Variants in SPAG16 observed in about 807,000 individuals in gnomAD.
The protein encoded by SPAG16 is sperm-associated antigen 16 protein.
A neutral mutation model predicts 80.4 loss-of-function variants in SPAG16; 86 were observed. The ratio of observed to expected loss-of-function variants is 1.07; its 90% CI spans 0.90 to 1.28. SPAG16 has a LOEUF of 1.28. Ranked by LOEUF, SPAG16 falls within the 50% of genes most tolerant of loss-of-function variation. SPAG16 has a pLI of 0.00. For missense variants in SPAG16, 870 were observed against 765.3 expected (o/e 1.14, Z -1.61); for synonymous variants, 294 against 265.9 (o/e 1.11, Z -1.03).
intron 15 of SPAG16, among the ~76,000 whole-genome samples, chr2:214,279,814 A>C (rs1692774063): frequency 6.6e-6 from 1 of 152,238 alleles, no homozygotes; most frequent in Non-Finnish European, 1.5e-5. Context: ...CAACTCACAC[A>C]ATGTATTTCT....
At chr2:213,523,386 G>C (rs1347132307) in intron 10 of SPAG16, among the ~76,000 whole-genome samples, 2 of 152,132 alleles carry the variant, frequency 1.3e-5, no homozygotes, top group Non-Finnish European at 2.9e-5. Flanking sequence ...CCCGGACTCA[G>C]GTATGTCTTC....
chr2:214,289,961 C>T (rs1693670281), intron 15 of SPAG16, among the ~76,000 whole-genome samples: 3 of 152,064 alleles, frequency 2.0e-5, no homozygotes, highest in Admixed American at 6.6e-5. Context: ...GTTCTCACCT[C>T]TTCAATTTTT....
intron 15 of SPAG16, among the ~76,000 whole-genome samples, chr2:214,193,020 C>T (rs182491474): frequency 1.3e-5 from 2 of 152,080 alleles, no homozygotes; most frequent in East Asian, 1.9e-4. Flanking sequence ...TCAGCCTGGT[C>T]CTACAAGGAC....
At chr2:214,069,808 A>G (rs2050702563) in intron 13 of SPAG16, among the ~76,000 whole-genome samples, 1 of 152,106 alleles carries the variant, frequency 6.6e-6, no homozygotes, top group Non-Finnish European at 1.5e-5. Flanking sequence ...ATTTTATTAA[A>G]AATCTCAGAA....
At chr2:214,301,033 TAATA>T (rs1694510208) in intron 15 of SPAG16, among the ~76,000 whole-genome samples, 2 of 79,934 alleles carry the variant, frequency 2.5e-5, no homozygotes, top group African/African-American at 1.2e-4. Context: ...TAAAGTATAA[TAATA>T]ATAATAATAA....
intron 10 of SPAG16, among the ~76,000 whole-genome samples, chr2:213,510,376 A>C (rs1009377355): frequency 4.6e-5 from 7 of 152,050 alleles, no homozygotes; most frequent in Non-Finnish European, 8.8e-5. Flanking sequence ...CACATTCTTT[A>C]ACTATTTAAC....
chr2:213,298,167 G>T (rs1208086259), intron 3 of SPAG16, among the ~76,000 whole-genome samples: 1 of 152,044 alleles, frequency 6.6e-6, no homozygotes, highest in African/African-American at 2.4e-5. Context: ...CTCAAAATTG[G>T]AATAAAAGCT....
chr2:214,062,128 C>G (rs1399588700), intron 13 of SPAG16, among the ~76,000 whole-genome samples: 1 of 151,772 alleles, frequency 6.6e-6, no homozygotes, highest in African/African-American at 2.4e-5. Flanking sequence ...CATCAAAAAC[C>G]AACCTCCTGG....
At chr2:213,380,063 A>T (rs2067088130) in intron 9 of SPAG16, among the ~76,000 whole-genome samples, 1 of 152,066 alleles carries the variant, frequency 6.6e-6, no homozygotes, top group Non-Finnish European at 1.5e-5. Context: ...TCTTTCCTGA[A>T]TTTCCTTGTC....
intron 15 of SPAG16, among the ~76,000 whole-genome samples, chr2:214,350,943 G>A (rs1449410440): frequency 6.6e-6 from 1 of 152,062 alleles, no homozygotes; most frequent in Admixed American, 6.5e-5. Flanking sequence ...CAGCTAAAAG[G>A]CAACTTGGAA....
At chr2:213,634,048 T>A (rs2062262096) in intron 10 of SPAG16, among the ~76,000 whole-genome samples, 1 of 152,152 alleles carries the variant, frequency 6.6e-6, no homozygotes, top group African/African-American at 2.4e-5. Context: ...AAGTAAGGAA[T>A]TACTTCTGCC....
At chr2:213,736,266 C>A (rs1174583432) in intron 10 of SPAG16, among the ~76,000 whole-genome samples, 1 of 151,934 alleles carries the variant, frequency 6.6e-6, no homozygotes, top group Non-Finnish European at 1.5e-5. Context: ...GACATCAATT[C>A]TTGAGTTCCT....
chr2:213,782,746 T>A (rs1318192276), intron 10 of SPAG16, among the ~76,000 whole-genome samples: 3 of 152,202 alleles, frequency 2.0e-5, no homozygotes, highest in Non-Finnish European at 4.4e-5. Context: ...AGTGGGACAT[T>A]GACTCCTACT....
At chr2:213,702,338 T>C (rs1287031240) in intron 10 of SPAG16, among the ~76,000 whole-genome samples, 1 of 152,224 alleles carries the variant, frequency 6.6e-6, no homozygotes, top group African/African-American at 2.4e-5. Flanking sequence ...TTTCATGCTG[T>C]GGAAGGTTTG....
chr2:214,240,159 C>T (rs756154200), intron 15 of SPAG16: 2 of 152,152 alleles, frequency 1.3e-5, no homozygotes, highest in Non-Finnish European at 2.9e-5. Flanking sequence ...CCTTATACCT[C>T]AATGCTCTTT....
intron 7 of SPAG16, among the ~76,000 whole-genome samples, chr2:213,362,822 G>A (rs115812239): frequency 0.015 from 2,213 of 152,242 alleles, 25 homozygotes; most frequent in South Asian, 0.038. Flanking sequence ...TTTATTTGGC[G>A]CATGGTTCTG....
At chr2:213,372,571 T>C (rs1234525439) in intron 8 of SPAG16, among the ~76,000 whole-genome samples, 1 of 152,148 alleles carries the variant, frequency 6.6e-6, no homozygotes, top group East Asian at 1.9e-4. Flanking sequence ...TTAGACTATA[T>C]GGTCTAATTA....
At chr2:213,938,007 T>C (rs2079055825) in intron 12 of SPAG16, among the ~76,000 whole-genome samples, 1 of 152,020 alleles carries the variant, frequency 6.6e-6, no homozygotes, top group African/African-American at 2.4e-5. Flanking sequence ...CTGTATAATG[T>C]ACACTTTCTG....
chr2:213,874,590 A>G (rs766432351), intron 11 of SPAG16, among the ~76,000 whole-genome samples: 2 of 152,154 alleles, frequency 1.3e-5, no homozygotes, highest in Non-Finnish European at 2.9e-5. Context: ...TTTGTTTACA[A>G]TAACATCACC....
Sources: allele counts gnomAD v4.1 joint callset (sites outside exome capture counted in the v4.1 genomes callset), GRCh38; gene constraint gnomAD v4.1.1; transcripts MANE v1.5; gene names NCBI Gene and HGNC (gene_info 2026-07-23, HGNC 2026-07-21).